The following SSBP2 variants were observed in gnomAD, a reference collection of about 807,000 sequenced individuals.
SSBP2 encodes single-stranded DNA-binding protein 2.
SSBP2 carries 17 observed loss-of-function variants against 61.8 expected under a neutral mutation model. The ratio of observed to expected loss-of-function variants is 0.28; its 90% CI spans 0.19 to 0.41. The LOEUF is 0.41. Among genes scored for constraint, SSBP2 ranks in the 10% least tolerant of loss-of-function variants. The probability of loss-of-function intolerance (pLI) is 1.00; values close to 1 mark genes in which losing one functional copy is unlikely to be tolerated. For missense variants in SSBP2, 310 were observed against 458.7 expected, an observed-to-expected ratio of 0.68 and a Z score of 2.96; for synonymous variants, 139 against 141.3, an observed-to-expected ratio of 0.98 and a Z score of 0.12.
intron 1 of SSBP2, among the ~76,000 whole-genome samples, chr5:81,747,190 T>G (rs1055438441): frequency 1.3e-5 from 2 of 152,232 alleles, no homozygotes; most frequent in Non-Finnish European, 2.9e-5. Flanking sequence ...CTGTCACATC[T>G]GATTATGTAA....
intron 4 of SSBP2, among the ~76,000 whole-genome samples, chr5:81,583,404 C>T (rs972737335): frequency 2.6e-5 from 4 of 152,056 alleles, no homozygotes; most frequent in East Asian, 3.9e-4. Context: ...CCAAGGCGGG[C>T]AGATCACAAG....
intron 4 of SSBP2, among the ~76,000 whole-genome samples, chr5:81,542,312 TG>T (rs1314723041): frequency 7.2e-5 from 11 of 152,126 alleles, no homozygotes; most frequent in African/African-American, 2.7e-4. Context: ...ACACTGTTAG[TG>T]GGAATGTAAT....
At chr5:81,560,224 T>G (rs1456379271) in intron 4 of SSBP2, among the ~76,000 whole-genome samples, 1 of 152,132 alleles carries the variant, frequency 6.6e-6, no homozygotes, top group Non-Finnish European at 1.5e-5. Flanking sequence ...ACAAAAAAGA[T>G]TGTGTTCAAA....
chr5:81,473,618 T>C (rs1765395935), intron 8 of SSBP2, 82 bp downstream of exon 8: 6 of 1,214,618 alleles, frequency 4.9e-6, no homozygotes, highest in Non-Finnish European at 3.6e-6. Context: ...ATGTACCACA[T>C]TCTCTTTACC....
At position 81,415,539 on chromosome 5, in the gene SSBP2, T is replaced by TA. The variant is rs1761271900; in HGVS notation, c.*4964dup. 1 of 152,138 alleles carries TA rather than the reference T, an allele frequency of 6.6e-6. No homozygotes were observed. Among genetic ancestry groups the TA allele is most frequent in the Non-Finnish European group, 1.5e-5 (1 of 68,036 alleles). The allele number at this position is 152,138 out of a possible 1,614,324, so 9.4% of individuals were successfully genotyped here. On this transcript the variant is annotated 3_prime_UTR_variant, in exon 17 of 17. Coordinates refer to ENST00000320672, the MANE Select transcript of SSBP2 (RefSeq NM_012446.5). ...TATAAAAATTTTTTCCAATATTTTT[T>TA]ATCAGGAGTTGATTGAATCAGGGAT...
chr5:81,560,967 A>G (rs2153413581), intron 4 of SSBP2, among the ~76,000 whole-genome samples: 1 of 152,290 alleles, frequency 6.6e-6, no homozygotes, highest in South Asian at 2.1e-4. Context: ...AAATTGCTAC[A>G]GAACTCAAGA....
chr5:81,727,456 G>A (rs548007746), intron 1 of SSBP2, among the ~76,000 whole-genome samples: 1 of 152,224 alleles, frequency 6.6e-6, no homozygotes, highest in East Asian at 1.9e-4. Context: ...GGCTGAGGCA[G>A]GAGAATCACT....
At chr5:81,631,164 A>G (rs1200496601) in intron 3 of SSBP2, among the ~76,000 whole-genome samples, 3 of 152,198 alleles carry the variant, frequency 2.0e-5, no homozygotes, top group Admixed American at 6.5e-5. Flanking sequence ...AAACAGCATA[A>G]TGATGGTGCT....
chr5:81,449,756 A>C (rs1763645118), intron 10 of SSBP2, among the ~76,000 whole-genome samples: 1 of 152,170 alleles, frequency 6.6e-6, no homozygotes, highest in Admixed American at 6.5e-5. Flanking sequence ...ATTTAATATT[A>C]AGTTATTTGA....
Position 81,441,756 on chromosome 5 carries a change from G to A in SSBP2, c.849+897C>T, listed in dbSNP as rs540051637. Among the ~76,000 whole-genome samples, 4 of 152,274 alleles carry A rather than the reference G, an allele frequency of 2.6e-5. No individual in the cohort carries two copies. In the South Asian group the frequency reaches 6.2e-4, roughly 24 times the overall value. ...GGTAAAATTGAGTATCTAAAAGCAC[G>A]TAGGTTGGTGTTCAGTAAACAACTT... is the stretch of plus-strand genomic sequence containing the variant. On this transcript the variant is annotated intron_variant, in intron 13 of 16. Transcript: ENST00000320672.
At chr5:81,618,269 C>A (rs367716193) in intron 3 of SSBP2, among the ~76,000 whole-genome samples, 14 of 95,300 alleles carry the variant, frequency 1.5e-4, no homozygotes, top group African/African-American at 3.1e-4. Flanking sequence ...TCTACCAAGC[C>A]AATGGAAAAC....
chr5:81,592,771 G>A (rs901121474), intron 4 of SSBP2, among the ~76,000 whole-genome samples: 1 of 152,208 alleles, frequency 6.6e-6, no homozygotes, highest in Admixed American at 6.5e-5. Context: ...CAGACCTGCA[G>A]CTGATGGTCC....
intron 1 of SSBP2, among the ~76,000 whole-genome samples, chr5:81,691,857 T>C (rs986696510): frequency 2.0e-5 from 3 of 152,160 alleles, no homozygotes; most frequent in Non-Finnish European, 4.4e-5. Context: ...AAAAACATCA[T>C]TCATCATAAC....
intron 15 of SSBP2, among the ~76,000 whole-genome samples, chr5:81,429,195 A>G (rs2153907774): frequency 6.6e-6 from 1 of 152,360 alleles, no homozygotes; most frequent in South Asian, 2.1e-4. Flanking sequence ...AAAGAAAGAT[A>G]GCTAACAACT....
At chr5:81,644,016 T>A (rs1013275352) in intron 2 of SSBP2, among the ~76,000 whole-genome samples, 2 of 152,224 alleles carry the variant, frequency 1.3e-5, no homozygotes, top group African/African-American at 4.8e-5. Context: ...AACATGATAC[T>A]CGGTAGTCAC....
In SSBP2 at chr5:81,527,869, G is replaced by C. The variant is rs542763282; in HGVS notation, c.283-14152C>G. 4.8e-5 allele frequency among the ~76,000 whole-genome samples: 7 copies of C among 146,984 alleles called. No homozygotes were observed. In the South Asian group the frequency reaches 1.5e-3, roughly 31 times the overall value. ...GTATACTTATGTAACAAACCTACGCGTTCTACGTATGTATCCCAGAACTTA... is the reference window on the plus strand; with the variant it reads ...GTATACTTATGTAACAAACCTACGCCTTCTACGTATGTATCCCAGAACTTA... On this transcript the variant is annotated intron_variant, in intron 4 of 16. Transcript: ENST00000320672.
At chr5:81,609,022 T>C (rs1745178628) in intron 4 of SSBP2, among the ~76,000 whole-genome samples, 1 of 152,154 alleles carries the variant, frequency 6.6e-6, no homozygotes, top group African/African-American at 2.4e-5. Flanking sequence ...AGAAGGAATT[T>C]GGATAGAGGA....
chr5:81,538,807 A>C (rs1443707836), intron 4 of SSBP2, among the ~76,000 whole-genome samples: 1 of 152,176 alleles, frequency 6.6e-6, no homozygotes, highest in African/African-American at 2.4e-5. Flanking sequence ...GGTTTACCGA[A>C]TATTTGAAGC....
rs1227867754 is a variant in SSBP2, at chr5:81,412,920, T to C, written c.*7584A>G. Reference sequence around the variant, plus strand: ...CCACATAGAGCCAGCCATTGATATATGCATTGTAGCCTCTTCTTCCATGCA... The same window carrying C: ...CCACATAGAGCCAGCCATTGATATACGCATTGTAGCCTCTTCTTCCATGCA... On this transcript the variant is annotated 3_prime_UTR_variant, in exon 17 of 17. Coordinates refer to ENST00000320672, the MANE Select transcript of SSBP2 (RefSeq NM_012446.5). 6.6e-6 allele frequency: 1 copy of C among 152,218 alleles called. No homozygotes were observed. The highest frequency in any genetic ancestry group is 1.9e-4 in the East Asian group (1 of 5,206). The allele number at this position is 152,218 out of a possible 1,614,324, so 9.4% of individuals were successfully genotyped here.
Sources: allele counts gnomAD v4.1 joint callset (sites outside exome capture counted in the v4.1 genomes callset), GRCh38; gene constraint gnomAD v4.1.1; transcripts MANE v1.5; gene names NCBI Gene and HGNC (gene_info 2026-07-23, HGNC 2026-07-21).